The following OGA variants were observed in gnomAD, a reference collection of about 807,000 sequenced individuals.
The protein encoded by OGA is protein O-GlcNAcase.
In OGA, 21 loss-of-function variants were observed where a neutral mutation model predicts 102.0. The observed-to-expected ratio is 0.21, with a 90% CI of 0.15 to 0.30. The LOEUF is 0.30. Ranked by LOEUF, OGA falls within the 10% of genes least tolerant of loss-of-function variation. The pLI is 1.00. For missense variants in OGA, 765 were observed against 1,107.8 expected (o/e 0.69, Z 4.39); for synonymous variants, 408 against 378.2 (o/e 1.08, Z -0.91).
rs769909928 is a variant in OGA at position 101,800,337 on chromosome 10, T to A, written c.1100A>T (p.Asp367Val). Residue 367 changes from aspartate to valine, a missense_variant, in exon 8 of 16, where the codon GAT (aspartate) becomes GTT (valine). Asp to Val is a radical substitution (Grantham distance 152). This residue lies in a region of OGA where 281 missense variants were observed against 345.8 expected (regional missense o/e 0.81). Coordinates refer to ENST00000361464, the MANE Select transcript of OGA (RefSeq NM_012215.5). ...ACTATAGAGTACATCAGTTTCAATA[T>A]CTTCATCACTGCCTTCATTTTCTAA... ...IKLENEGSDE[D>V]IETDVLYSPQ... 9 of 1,612,766 alleles carry A rather than the reference T, an allele frequency of 5.6e-6. No individual in the cohort carries two copies. Among genetic ancestry groups the A allele is most frequent in the Non-Finnish European group, 7.6e-6 (9 of 1,178,816 alleles).
intron 9 of OGA, 53 bp from the exon 10 acceptor site, chr10:101,798,207 C>A (rs930517509): frequency 3.7e-5 from 57 of 1,549,772 alleles, no homozygotes; most frequent in Non-Finnish European, 4.8e-5. Context: ...ACAAAATAAT[C>A]TGAGACACAG....
intron 12 of OGA, among the ~76,000 whole-genome samples, chr10:101,791,809 G>A (rs958909407): frequency 2.6e-5 from 4 of 151,996 alleles, no homozygotes; most frequent in Admixed American, 6.6e-5. Flanking sequence ...TGGGATTACA[G>A]GCATACGCCA....
intron 6 of OGA, among the ~76,000 whole-genome samples, chr10:101,804,723 T>C (rs1300358580): frequency 1.3e-5 from 2 of 152,072 alleles, no homozygotes; most frequent in African/African-American, 2.4e-5. Context: ...CCCAAGTAGC[T>C]GGGACTACAG....
At chr10:101,795,870 C>T in intron 10 of OGA, 2 of 969,368 alleles carry the variant, frequency 2.1e-6, no homozygotes, top group Non-Finnish European at 2.5e-6. Flanking sequence ...TGTGTTGAGC[C>T]ACAGGCTGGA....
At position 101,810,332 on chromosome 10, in the gene OGA, T is replaced by C. The variant is rs777748497; in HGVS notation, c.350-18A>G. On this transcript the variant is annotated intron_variant, in intron 3 of 15. Coordinates refer to ENST00000361464, the MANE Select transcript of OGA (RefSeq NM_012215.5). ...AAGTTGCTCTAAAGAACAGAGTCTATGTTTTTAGAAAGCAGAACAGAAAAC... is the reference window on the plus strand; with the variant it reads ...AAGTTGCTCTAAAGAACAGAGTCTACGTTTTTAGAAAGCAGAACAGAAAAC... 7 of 1,593,276 alleles carry C rather than the reference T, an allele frequency of 4.4e-6. No individual in the cohort carries two copies. Among genetic ancestry groups the C allele is most frequent in the Admixed American group, 1.8e-5 (1 of 55,058 alleles).
chr10:101,803,555 AAAC>A (rs1482241451), intron 7 of OGA, among the ~76,000 whole-genome samples, 177 bp downstream of exon 7: 2 of 152,180 alleles, frequency 1.3e-5, no homozygotes, highest in Non-Finnish European at 1.5e-5. Context: ...CAACAGAATG[AAAC>A]AACATACCAT....
intron 1 of OGA, among the ~76,000 whole-genome samples, chr10:101,815,264 C>T (rs939912285): frequency 6.6e-6 from 1 of 151,966 alleles, no homozygotes; most frequent in African/African-American, 2.4e-5. Flanking sequence ...TAGCCTCTCA[C>T]AAGTGATACA....
intron 1 of OGA, among the ~76,000 whole-genome samples, 197 bp downstream of exon 1, chr10:101,817,627 A>C (rs1223489165): frequency 1.3e-5 from 2 of 152,108 alleles, no homozygotes; most frequent in Non-Finnish European, 2.9e-5. Context: ...GTGAGTGGCC[A>C]GGGGGGAATT....
chr10:101,806,162 G>T lies in OGA; in HGVS notation c.653-19C>A. On this transcript the variant is annotated intron_variant, in intron 5 of 15. Coordinates refer to ENST00000361464, the MANE Select transcript of OGA (RefSeq NM_012215.5). The stretch of plus-strand genomic sequence containing the variant: ...CAGTATTCTAAATGTAGGGAGAAAA[G>T]TAAAAAAGTCAGAATTAAAATGCTC... 2.1e-6 allele frequency: 3 copies of T among 1,456,306 alleles called. No individual in the cohort carries two copies. The highest frequency in any genetic ancestry group is 2.9e-6 in the Non-Finnish European group (3 of 1,039,278). The allele number at this position is 1,456,306 out of a possible 1,614,324, so 90.2% of individuals were successfully genotyped here.
intron 10 of OGA, among the ~76,000 whole-genome samples, chr10:101,796,765 GTTTCACCATGCTGGTCTCATGCTGGT>G (rs2065322348): frequency 6.6e-6 from 1 of 151,826 alleles, no homozygotes; most frequent in South Asian, 2.1e-4. Flanking sequence ...TAGAGATAGG[GTTTCACCATGCTGGTCTCATGCTGGT>G]TTTCACCAGG....
chr10:101,803,988 T>C lies in OGA; in HGVS notation c.783A>G (p.Val261=), dbSNP rs911579625. ...GPKVVSKEIP[V]ESIEEVSKII... ...TCTTAGAAACCTCTTCGATGGACTC[T>C]ACTGGAATTTCTTTAGAAACAACTT... is the stretch of plus-strand genomic sequence containing the variant. Residue 261 remains valine, a synonymous_variant, in exon 7 of 16, where the codon GTA becomes GTG. Coordinates refer to ENST00000361464, the MANE Select transcript of OGA (RefSeq NM_012215.5). 8.1e-6 allele frequency: 13 copies of C among 1,610,306 alleles called. No individual in the cohort carries two copies. The highest frequency in any genetic ancestry group is 1.1e-5 in the Non-Finnish European group (13 of 1,178,056).
At chr10:101,813,471 T>G in intron 2 of OGA, 84 bp downstream of exon 2, 1 of 856,212 alleles carries the variant, frequency 1.2e-6, no homozygotes, top group Non-Finnish European at 1.8e-6. Context: ...GCACCTGGGC[T>G]ATTCACTGTT....
At chr10:101,786,615 T>C (rs1442871407) in intron 15 of OGA, 28 bp from the exon 16 acceptor site, 3 of 1,530,092 alleles carry the variant, frequency 2.0e-6, no homozygotes, top group African/African-American at 2.8e-5. Context: ...ATTCAAAACA[T>C]AAATAAGTCA....
intron 14 of OGA, 109 bp from the exon 15 acceptor site, chr10:101,787,632 C>CT: frequency 1.2e-6 from 1 of 868,318 alleles, no homozygotes; most frequent in Non-Finnish European, 1.8e-6. Flanking sequence ...CTTCCAGTCA[C>CT]TATGTAAATT....
chr10:101,795,915 G>A (rs938431171), intron 10 of OGA: 3 of 982,604 alleles, frequency 3.1e-6, no homozygotes, highest in Non-Finnish European at 3.6e-6. Context: ...TTGTGTAAGA[G>A]GTATCTATAT....
rs1417894911 is a variant in OGA at position 101,799,504 on chromosome 10, G to A, written c.1196-49C>T. The A allele has an allele frequency of 4.6e-6, 7 of 1,524,508 alleles. 1 individual carries two copies. The South Asian group carries it at 6.1e-5, about 13-fold the overall frequency. 94.4% of individuals were successfully genotyped at this position (1,524,508 alleles called of 1,614,324 possible). On this transcript the variant is annotated intron_variant, in intron 8 of 15. Coordinates refer to ENST00000361464, the MANE Select transcript of OGA (RefSeq NM_012215.5). ...AATAAAATGGTCACACAGATAATCA[G>A]AATTAGAGATAGAACACATTAGATT...
At chr10:101,786,626 CTT>C in intron 15 of OGA, 39 bp from the exon 16 acceptor site, 1 of 1,478,278 alleles carries the variant, frequency 6.8e-7, no homozygotes, top group Non-Finnish European at 9.0e-7. Flanking sequence ...AAATAAGTCA[CTT>C]AATTAGTATA....
intron 14 of OGA, chr10:101,787,941 TGA>T (rs1169601637): frequency 6.4e-6 from 1 of 156,658 alleles, no homozygotes; most frequent in Non-Finnish European, 1.4e-5. Flanking sequence ...CCATCCTGGC[TGA>T]CACAGTGAAA....
At position 101,799,261 on chromosome 10, in the gene OGA, GTTC is replaced by G; in HGVS notation, c.1387_1389del (p.Glu463del). The G allele has an allele frequency of 6.2e-7, 1 of 1,614,094 alleles. No homozygotes were observed. Among genetic ancestry groups the G allele is most frequent in the Non-Finnish European group, 8.5e-7 (1 of 1,180,020 alleles). On this transcript the variant is annotated inframe_deletion, in exon 9 of 16. Transcript: ENST00000361464. ...TGTTTTTCCACCACCATGTCCATGG[GTTC>G]TTCATCAGGCTGTTTCTTTTCTTCT... is the stretch of plus-strand genomic sequence containing the variant.
Sources: gnomAD v4.1 joint callset for allele counts (sites outside exome capture counted in the v4.1 genomes callset) on GRCh38, gnomAD v4.1.1 for gene constraint, gnomAD v4.1.1 regional missense constraint, MANE v1.5 for transcripts, NCBI Gene and HGNC (gene_info 2026-07-23, HGNC 2026-07-21) for gene names.